The following AFG2A variants were observed in gnomAD, a reference collection of about 807,000 sequenced individuals.
AFG2A encodes ATPase family gene 2 protein homolog A.
chr4:123,011,983 C>T, the AFG2A span, among the ~76,000 whole-genome samples: 2 of 136,804 alleles, frequency 1.5e-5, no homozygotes, highest in African/African-American at 2.8e-5. Flanking sequence ...GGTTGCTTGC[C>T]CCCCAGGAAA....
the AFG2A span, among the ~76,000 whole-genome samples, chr4:123,100,090 C>T: frequency 3.3e-5 from 5 of 151,850 alleles, no homozygotes; most frequent in Non-Finnish European, 7.4e-5. Flanking sequence ...CTGGAGAGGA[C>T]ATAGAAGGCT....
chr4:123,165,827 C>T, the AFG2A span, among the ~76,000 whole-genome samples: 1 of 152,050 alleles, frequency 6.6e-6, no homozygotes, highest in South Asian at 2.1e-4. Context: ...TTTCATATAT[C>T]TCTTAAGATT....
At chr4:123,113,081 A>G in the AFG2A span, among the ~76,000 whole-genome samples, 1 of 151,902 alleles carries the variant, frequency 6.6e-6, no homozygotes, top group African/African-American at 2.4e-5. Context: ...TTTTTTCTCC[A>G]ATGTGTTTGG....
chr4:123,271,943 C>T, the AFG2A span, among the ~76,000 whole-genome samples: 9 of 151,644 alleles, frequency 5.9e-5, no homozygotes, highest in African/African-American at 1.5e-4. Context: ...GATTTACTTA[C>T]GCTGGTTTTG....
chr4:123,005,108 C>T, the AFG2A span, among the ~76,000 whole-genome samples: 1 of 151,972 alleles, frequency 6.6e-6, no homozygotes, highest in African/African-American at 2.4e-5. Context: ...TTTTCCTTGG[C>T]TAGAGGTCTG....
At chr4:123,099,941 A>C in the AFG2A span, among the ~76,000 whole-genome samples, 1 of 151,926 alleles carries the variant, frequency 6.6e-6, no homozygotes, top group Non-Finnish European at 1.5e-5. Context: ...TTCTGTGTTT[A>C]GATATATTTG....
At chr4:123,012,241 GC>G in the AFG2A span, among the ~76,000 whole-genome samples, 85 of 142,082 alleles carry the variant, frequency 6.0e-4, 3 homozygotes, top group Admixed American at 5.4e-3. Flanking sequence ...GGAGGTGCTT[GC>G]CCCCCAGGAA....
chr4:123,310,306 A>G, the AFG2A span, among the ~76,000 whole-genome samples: 1 of 152,206 alleles, frequency 6.6e-6, no homozygotes, highest in Admixed American at 6.5e-5. Context: ...CTTTGAAAAC[A>G]CTATCATTGT....
At chr4:123,082,294 T>G in the AFG2A span, among the ~76,000 whole-genome samples, 5 of 152,120 alleles carry the variant, frequency 3.3e-5, no homozygotes, top group African/African-American at 1.2e-4. Flanking sequence ...CTACTCCGAG[T>G]CAGTTTTTGG....
chr4:123,249,810 A>C, the AFG2A span, among the ~76,000 whole-genome samples: 1 of 152,212 alleles, frequency 6.6e-6, no homozygotes, highest in East Asian at 1.9e-4. Context: ...GACAGGTTTA[A>C]GAGAGATTTA....
At chr4:123,066,521 C>G in the AFG2A span, among the ~76,000 whole-genome samples, 1 of 152,092 alleles carries the variant, frequency 6.6e-6, no homozygotes, top group African/African-American at 2.4e-5. Context: ...ATTTAATGCT[C>G]TTTGAACTAT....
the AFG2A span, among the ~76,000 whole-genome samples, chr4:123,030,059 A>G: frequency 6.6e-6 from 1 of 151,920 alleles, no homozygotes; most frequent in Non-Finnish European, 1.5e-5. Context: ...GTTTACTGGC[A>G]TTTTCTAGTC....
At chr4:123,162,934 A>G in the AFG2A span, among the ~76,000 whole-genome samples, 1 of 152,344 alleles carries the variant, frequency 6.6e-6, no homozygotes, top group Non-Finnish European at 1.5e-5. Flanking sequence ...AACCTCATAC[A>G]TATTTGATAT....
the AFG2A span, among the ~76,000 whole-genome samples, chr4:123,213,675 A>T: frequency 6.6e-6 from 1 of 152,200 alleles, no homozygotes; most frequent in African/African-American, 2.4e-5. Flanking sequence ...TTTAGGAGAC[A>T]GCTGTAGCTG....
the AFG2A span, among the ~76,000 whole-genome samples, chr4:122,941,472 T>C: frequency 6.6e-6 from 1 of 152,258 alleles, no homozygotes; most frequent in Non-Finnish European, 1.5e-5. Flanking sequence ...GTGATTTTTG[T>C]ACATTGATTT....
chr4:122,961,586 C>G, the AFG2A span, among the ~76,000 whole-genome samples: 3 of 152,184 alleles, frequency 2.0e-5, no homozygotes, highest in Non-Finnish European at 4.4e-5. Context: ...CTCACTGCAA[C>G]CTCTGCCTCC....
At chr4:122,973,149 G>C in the AFG2A span, among the ~76,000 whole-genome samples, 1 of 152,004 alleles carries the variant, frequency 6.6e-6, no homozygotes, top group Non-Finnish European at 1.5e-5. Context: ...TTATTACCCC[G>C]AGTGTCTGGT....
chr4:123,109,795 C>T, the AFG2A span, among the ~76,000 whole-genome samples: 1 of 152,050 alleles, frequency 6.6e-6, no homozygotes, highest in Non-Finnish European at 1.5e-5. Context: ...CTATTTTGAG[C>T]AAGGATTTTT....
chr4:123,117,530 C>G, the AFG2A span, among the ~76,000 whole-genome samples: 1 of 150,664 alleles, frequency 6.6e-6, no homozygotes, highest in Non-Finnish European at 1.5e-5. Context: ...TGATACTCAT[C>G]TATTGTGCTA....
Sources: gnomAD v4.1 joint callset for allele counts (sites outside exome capture counted in the v4.1 genomes callset) on GRCh38, gnomAD v4.1.1 for gene constraint, MANE v1.5 for transcripts, NCBI Gene and HGNC (gene_info 2026-07-23, HGNC 2026-07-21) for gene names.